MAPDA: variants seen among roughly 807,000 people sequenced by gnomAD.
MAPDA encodes the protein N6-Methyl-AMP deaminase.
the MAPDA span, chr15:43,347,019 G>A: frequency 3.7e-6 from 6 of 1,613,266 alleles, no homozygotes; most frequent in South Asian, 6.6e-5. Context: ...CTTTAAGGTA[G>A]GACAAGCAAA....
chr15:43,340,406 C>A, the MAPDA span: 1 of 1,453,224 alleles, frequency 6.9e-7, no homozygotes, highest in Non-Finnish European at 9.6e-7. Flanking sequence ...GTGCTTTGAT[C>A]ACTCACATGT....
At chr15:43,330,605 C>T in the MAPDA span, 3 of 1,228,108 alleles carry the variant, frequency 2.4e-6, no homozygotes, top group African/African-American at 3.2e-5. Context: ...CTGGACTTCC[C>T]CTTCCGCCGG....
the MAPDA span, chr15:43,347,222 T>C: frequency 2.8e-6 from 2 of 714,424 alleles, no homozygotes; most frequent in Non-Finnish European, 4.5e-6. Context: ...TAGAAATATT[T>C]TTACATCTAA....
the MAPDA span, chr15:43,332,047 A>G: frequency 6.6e-6 from 1 of 152,208 alleles, no homozygotes; most frequent in African/African-American, 2.4e-5. Flanking sequence ...GGCACGTATT[A>G]GTTGTGGGGA....
chr15:43,343,764 C>A, the MAPDA span, among the ~76,000 whole-genome samples: 3 of 151,802 alleles, frequency 2.0e-5, no homozygotes, highest in Non-Finnish European at 4.4e-5. Flanking sequence ...TTAGTACTTA[C>A]CACAAAGTAG....
chr15:43,344,702 A>G, the MAPDA span, among the ~76,000 whole-genome samples: 4 of 151,908 alleles, frequency 2.6e-5, no homozygotes, highest in Admixed American at 6.6e-5. Context: ...TCAGCTACTC[A>G]GAAGGCTGAG....
the MAPDA span, among the ~76,000 whole-genome samples, chr15:43,332,676 A>G: frequency 6.6e-6 from 1 of 152,188 alleles, no homozygotes; most frequent in Admixed American, 6.5e-5. Flanking sequence ...TAAACAAAAT[A>G]ACTATCTAAG....
the MAPDA span, chr15:43,330,545 T>C: frequency 1.3e-6 from 2 of 1,499,366 alleles, no homozygotes; most frequent in African/African-American, 2.8e-5. Flanking sequence ...GCCCCTTGGT[T>C]AGCACACACC....
chr15:43,348,920 A>G, the MAPDA span: 14 of 1,613,900 alleles, frequency 8.7e-6, no homozygotes, highest in African/African-American at 1.7e-4. Flanking sequence ...CCAAACCAAA[A>G]AAAAGAAACA....
the MAPDA span, among the ~76,000 whole-genome samples, chr15:43,341,450 G>A: frequency 6.6e-6 from 1 of 152,178 alleles, no homozygotes; most frequent in Admixed American, 6.5e-5. Flanking sequence ...AAAAATACTG[G>A]TGAAGACACT....
chr15:43,330,683 T>A, the MAPDA span: 2 of 536,952 alleles, frequency 3.7e-6, no homozygotes, highest in Non-Finnish European at 6.2e-6. Context: ...TAGCCAGTGC[T>A]AAGTTCGCTT....
the MAPDA span, chr15:43,354,172 A>G: frequency 6.6e-6 from 1 of 152,150 alleles, no homozygotes; most frequent in Non-Finnish European, 1.5e-5. Context: ...AACTCCACAC[A>G]TTTGGTCAGA....
chr15:43,348,033 T>C, the MAPDA span, among the ~76,000 whole-genome samples: 1 of 152,372 alleles, frequency 6.6e-6, no homozygotes, highest in South Asian at 2.1e-4. Context: ...TGACCAGTTA[T>C]CTCTGGCCTT....
the MAPDA span, chr15:43,346,114 C>G: frequency 8.1e-7 from 1 of 1,236,356 alleles, no homozygotes; most frequent in Non-Finnish European, 1.1e-6. Flanking sequence ...AAGGCCTGTT[C>G]TGCCCTGGAT....
chr15:43,337,275 CAAAAAAAA>C, the MAPDA span, among the ~76,000 whole-genome samples: 1 of 61,976 alleles, frequency 1.6e-5, no homozygotes, highest in East Asian at 4.9e-4. Context: ...GACTCCGTCT[CAAAAAAAA>C]AAAAAAAAAA....
the MAPDA span, among the ~76,000 whole-genome samples, chr15:43,331,065 G>T: frequency 1.3e-5 from 2 of 152,222 alleles, no homozygotes; most frequent in African/African-American, 4.8e-5. Context: ...ACTAAGGCCA[G>T]GGTGCAAACT....
chr15:43,340,559 TGTCTTGCC>T, the MAPDA span, among the ~76,000 whole-genome samples: 1 of 152,210 alleles, frequency 6.6e-6, no homozygotes, highest in Non-Finnish European at 1.5e-5. Context: ...AGGGTCTTGC[TGTCTTGCC>T]CAGGCTGGAG....
chr15:43,337,478 G>C, the MAPDA span, among the ~76,000 whole-genome samples: 1 of 152,176 alleles, frequency 6.6e-6, no homozygotes, highest in Non-Finnish European at 1.5e-5. Context: ...ATACCACTGT[G>C]TTCTCTTATC....
chr15:43,344,960 T>C, the MAPDA span, among the ~76,000 whole-genome samples: 1 of 152,182 alleles, frequency 6.6e-6, no homozygotes, highest in Non-Finnish European at 1.5e-5. Context: ...AATGAAATAA[T>C]GGATCTCACC....
Sources: gnomAD v4.1 joint callset for allele counts (sites outside exome capture counted in the v4.1 genomes callset) on GRCh38, gnomAD v4.1.1 for gene constraint, MANE v1.5 for transcripts, NCBI Gene and HGNC (gene_info 2026-07-23, HGNC 2026-07-21) for gene names.